Variants in PER2 observed in about 807,000 individuals in gnomAD.
PER2 encodes the protein period circadian protein homolog 2.
A neutral mutation model predicts 121.0 loss-of-function variants in PER2; 66 were observed. The ratio of observed to expected loss-of-function variants is 0.55; its 90% CI spans 0.45 to 0.67. PER2 has a LOEUF of 0.67. Ranked by LOEUF, PER2 falls within the 30% of genes least tolerant of loss-of-function variation. The pLI is 0.00. For missense variants in PER2, 1,521 were observed against 1,635.0 expected (o/e 0.93, Z 1.20); for synonymous variants, 684 against 659.9 (o/e 1.04, Z -0.56).
chr2:238,253,772 C>T lies in PER2; in HGVS notation c.2321-70G>A, dbSNP rs1220694770. 3.2e-6 allele frequency: 4 copies of T among 1,238,532 alleles called. No homozygotes were observed. Among genetic ancestry groups the T allele is most frequent in the African/African-American group, 3.0e-5 (2 of 66,784 alleles). 76.7% of individuals were successfully genotyped at this position (1,238,532 alleles called of 1,614,324 possible). A position where few individuals can be genotyped will look rare whatever the true frequency, so the allele number is the denominator to read the frequency against. On this transcript the variant is annotated intron_variant, in intron 18 of 22. Coordinates refer to ENST00000254657, the MANE Select transcript of PER2 (RefSeq NM_022817.3). This position sits in a 1 kb window ranked among gnomAD's most constrained non-coding sequence, Gnocchi z 5.6. The stretch of plus-strand genomic sequence containing the variant: ...AATTTGAAGACACCTCTTCGTTCAA[C>T]AGTCCTGGGTTTCCAAATGCTGGCC...
At chr2:238,288,914 C>T (rs753795973), upstream of PER2, among the ~76,000 whole-genome samples, 65 of 152,308 alleles carry the variant, frequency 4.3e-4, 1 homozygote, top group Admixed American at 2.2e-3. Flanking sequence ...CATTGGTGGC[C>T]GCGCCCGTCG....
chr2:238,253,084 A>C lies in PER2; in HGVS notation c.2939T>G (p.Leu980Arg), dbSNP rs1209077109. Residue 980 changes from leucine (L) to arginine (R), a missense_variant, in exon 19 of 23, where the codon CTC (leucine) becomes CGC (arginine). Physicochemically the swap from Leu to Arg is moderately radical, Grantham distance 102. Coordinates refer to ENST00000254657, the MANE Select transcript of PER2 (RefSeq NM_022817.3). This position sits in a 1 kb window ranked among gnomAD's most constrained non-coding sequence, Gnocchi z 5.6. ...PSAMGRASPPLFQSRSSSPLQ... is the reference protein window; with the variant it reads ...PSAMGRASPPRFQSRSSSPLQ... ...GGGCGAGCTGCTGCGGGACTGAAAG[A>C]GCGGTGGGGAGGCCCTACCCATGGC... 2 of 1,611,260 alleles carry C rather than the reference A, an allele frequency of 1.2e-6. No individual in the cohort carries two copies. The highest frequency in any genetic ancestry group is 1.7e-6 in the Non-Finnish European group (2 of 1,178,090).
chr2:238,292,296 C>T (rs963386524), upstream of PER2, among the ~76,000 whole-genome samples: 2 of 152,236 alleles, frequency 1.3e-5, no homozygotes, highest in Admixed American at 6.5e-5. Flanking sequence ...TGTGCACACA[C>T]GTGTTCTCAT....
Position 238,265,049 on chromosome 2 carries a change from T to C in PER2, c.1046+463A>G, listed in dbSNP as rs1334864465. Among the ~76,000 whole-genome samples the C allele has an allele frequency of 2.0e-5, 3 of 152,228 alleles. No individual in the cohort carries two copies. In the East Asian group the frequency reaches 5.8e-4, roughly 29 times the overall value. On this transcript the variant is annotated intron_variant, in intron 9 of 22. Coordinates refer to ENST00000254657, the MANE Select transcript of PER2 (RefSeq NM_022817.3). ...GGGTGCTCCCAAATCTCACTGGGAC[T>C]GTTCGCACCTGCTACAGCACCCTGA...
chr2:238,271,647 AG>A (rs1696292068), intron 5 of PER2, 134 bp from the exon 6 acceptor site: 1 of 703,384 alleles, frequency 1.4e-6, no homozygotes, highest in African/African-American at 1.8e-5. Flanking sequence ...TCCCTTGCCT[AG>A]CCCTCACCAA....
chr2:238,297,174 C>T, the PER2 span, among the ~76,000 whole-genome samples: 3 of 152,210 alleles, frequency 2.0e-5, no homozygotes, highest in African/African-American at 4.8e-5. Flanking sequence ...CACATCCACC[C>T]CCCACGCTCT....
intron 8 of PER2, 46 bp from the exon 9 acceptor site, chr2:238,265,636 A>G (rs1393550512): frequency 8.7e-7 from 1 of 1,143,986 alleles, no homozygotes; most frequent in Non-Finnish European, 1.3e-6. Context: ...TAAGAAATGC[A>G]TATTTGATGT....
At chr2:238,277,619 A>T in intron 2 of PER2, 88 bp downstream of exon 2, 1 of 1,432,494 alleles carries the variant, frequency 7.0e-7, no homozygotes, top group South Asian at 1.2e-5. Flanking sequence ...CATGATTTAA[A>T]GATTGCAAAA....
At chr2:238,286,468 T>A (rs1696791614) in intron 1 of PER2, among the ~76,000 whole-genome samples, 2 of 151,642 alleles carry the variant, frequency 1.3e-5, no homozygotes, top group African/African-American at 2.4e-5. Flanking sequence ...GTGTACACGA[T>A]GAGCATAATG....
chr2:238,259,594 C>T (rs1332098152), intron 14 of PER2, among the ~76,000 whole-genome samples: 2 of 152,228 alleles, frequency 1.3e-5, no homozygotes. Flanking sequence ...TGTAAACACA[C>T]AGCCATACAG....
chr2:238,273,285 C>A (rs1239492290), intron 4 of PER2, 94 bp from the exon 5 acceptor site: 3 of 1,326,028 alleles, frequency 2.3e-6, no homozygotes, highest in Admixed American at 3.9e-5. Flanking sequence ...CTACTTTTCT[C>A]AAATGAAAAG....
the PER2 span, among the ~76,000 whole-genome samples, chr2:238,295,134 T>C: frequency 2.0e-5 from 3 of 152,194 alleles, no homozygotes; most frequent in East Asian, 1.9e-4. Context: ...CCTGCTGGCT[T>C]CTCCCTGGTG....
rs200033044 is a variant in PER2, at chr2:238,268,030, G to A, written c.967+26C>T. On this transcript the variant is annotated intron_variant, in intron 8 of 22. Transcript: ENST00000254657. This position sits in a 1 kb window ranked among gnomAD's most constrained non-coding sequence, Gnocchi z 4.0. ...TGAGGGGGAGCCAGAGACAACATCT[G>A]CCCTCGCCCTGGGCTTGGCTGTTAC... is the stretch of plus-strand genomic sequence containing the variant. The A allele has an allele frequency of 6.2e-7, 1 of 1,612,392 alleles. No individual in the cohort carries two copies. Among genetic ancestry groups the A allele is most frequent in the African/African-American group, 1.3e-5 (1 of 75,022 alleles).
chr2:238,294,907 T>A (rs1274134995), upstream of PER2, among the ~76,000 whole-genome samples: 4 of 152,214 alleles, frequency 2.6e-5, no homozygotes, highest in African/African-American at 9.6e-5. Context: ...TCCATTAATA[T>A]AACTCCGCTC....
intron 17 of PER2, 74 bp downstream of exon 17, chr2:238,256,848 T>A: frequency 6.7e-7 from 1 of 1,496,692 alleles, no homozygotes; most frequent in African/African-American, 1.4e-5. Flanking sequence ...CTTAGAAAAA[T>A]TTAAGATGGC....
intron 1 of PER2, among the ~76,000 whole-genome samples, chr2:238,283,294 G>T (rs974435266): frequency 6.6e-6 from 1 of 152,230 alleles, no homozygotes; most frequent in African/African-American, 2.4e-5. Flanking sequence ...TCTCTGTAAG[G>T]CAGAGCCTCA....
intron 17 of PER2, among the ~76,000 whole-genome samples, chr2:238,256,624 C>G (rs1235756664): frequency 6.6e-6 from 1 of 152,188 alleles, no homozygotes; most frequent in Non-Finnish European, 1.5e-5. Flanking sequence ...TCCCAGTGCT[C>G]TCCGCACCAA....
chr2:238,270,718 G>A (rs1210881759), intron 6 of PER2, among the ~76,000 whole-genome samples: 15 of 152,222 alleles, frequency 9.9e-5, no homozygotes, highest in African/African-American at 9.6e-5. Flanking sequence ...GCTGGGGAGC[G>A]GAGCCTGGAA....
Position 238,268,277 on chromosome 2 carries a change from C to T in PER2, c.825-79G>A. On this transcript the variant is annotated intron_variant, in intron 7 of 22. Coordinates refer to ENST00000254657, the MANE Select transcript of PER2 (RefSeq NM_022817.3). The surrounding 1 kb of genome is among the most constrained non-coding windows in gnomAD (Gnocchi z 4.0). ...CTGTTCTGTTCCCTCCTCACCTGGG[C>T]CCCATGCCATGCTGCAGGTGATGTG... The T allele has an allele frequency of 6.9e-7, 1 of 1,450,574 alleles. No individual in the cohort carries two copies. Among genetic ancestry groups the T allele is most frequent in the East Asian group, 2.3e-5 (1 of 43,068 alleles). The allele number at this position is 1,450,574 out of a possible 1,614,324, so 89.9% of individuals were successfully genotyped here. A position where few individuals can be genotyped will look rare whatever the true frequency, so the allele number is the denominator to read the frequency against.
Sources: allele counts gnomAD v4.1 joint callset (sites outside exome capture counted in the v4.1 genomes callset), GRCh38; gene constraint gnomAD v4.1.1; non-coding constraint Gnocchi (gnomAD v3.1); transcripts MANE v1.5; gene names NCBI Gene and HGNC (gene_info 2026-07-23, HGNC 2026-07-21).